SNX3: variants seen among roughly 807,000 people sequenced by gnomAD.
SNX3 encodes sorting nexin-3.
Under a neutral mutation model 17.7 loss-of-function variants are expected in SNX3, and 5 were observed. That is an observed-to-expected ratio of 0.28 (90% confidence interval 0.15 to 0.59). The LOEUF is 0.59. SNX3 is among the 20% of genes least tolerant of loss of function. The probability of loss-of-function intolerance (pLI) is 0.88; values close to 1 mark genes in which losing one functional copy is unlikely to be tolerated. For synonymous variants in SNX3, 91 were observed against 76.5 expected, an observed-to-expected ratio of 1.19 and a Z score of -0.99; for missense variants, 132 against 206.8, an observed-to-expected ratio of 0.64 and a Z score of 2.22.
chr6:108,245,412 A>G (rs925199446), intron 1 of SNX3, among the ~76,000 whole-genome samples: 2 of 152,216 alleles, frequency 1.3e-5, no homozygotes, highest in Non-Finnish European at 2.9e-5. Context: ...GTGCTGCAAT[A>G]AACATACGTG....
intron 1 of SNX3, among the ~76,000 whole-genome samples, chr6:108,259,110 T>C (rs575361883): frequency 6.6e-5 from 10 of 152,376 alleles, no homozygotes; most frequent in Non-Finnish European, 1.2e-4. Context: ...CCATCTGTCA[T>C]GTATTACAGA....
intron 2 of SNX3, among the ~76,000 whole-genome samples, chr6:108,220,952 G>C (rs763973994): frequency 1.3e-5 from 2 of 151,794 alleles, no homozygotes; most frequent in African/African-American, 2.4e-5. Flanking sequence ...CTGCACTCCA[G>C]AGTGAGGCTC....
chr6:108,239,569 G>A (rs1457889979), intron 1 of SNX3, among the ~76,000 whole-genome samples: 1 of 152,186 alleles, frequency 6.6e-6, no homozygotes, highest in Non-Finnish European at 1.5e-5. Context: ...AATACTTAAT[G>A]TAGGGCAAAT....
At chr6:108,226,079 A>G (rs1774966528) in intron 1 of SNX3, among the ~76,000 whole-genome samples, 1 of 151,428 alleles carries the variant, frequency 6.6e-6, no homozygotes, top group Non-Finnish European at 1.5e-5. Flanking sequence ...AGGAGAAGAA[A>G]GATTTTATTT....
chr6:108,237,205 G>T (rs1562431385), intron 1 of SNX3, among the ~76,000 whole-genome samples: 1 of 152,152 alleles, frequency 6.6e-6, no homozygotes, highest in Non-Finnish European at 1.5e-5. Flanking sequence ...GGTAGAGCTG[G>T]AGAGCAGAAT....
At chr6:108,254,968 G>C (rs1354001583) in intron 1 of SNX3, among the ~76,000 whole-genome samples, 1 of 152,210 alleles carries the variant, frequency 6.6e-6, no homozygotes, top group Non-Finnish European at 1.5e-5. Context: ...ATGAGGATCA[G>C]TTGATCAGCT....
At chr6:108,260,551 C>G (rs1264411732) in intron 1 of SNX3, among the ~76,000 whole-genome samples, 2 of 152,210 alleles carry the variant, frequency 1.3e-5, no homozygotes, top group African/African-American at 4.8e-5. Context: ...AGCACCTTCT[C>G]CAAGTGCCAG....
intron 2 of SNX3, 22 bp downstream of exon 2, chr6:108,222,928 T>A (rs762218059): frequency 2.1e-6 from 3 of 1,409,054 alleles, no homozygotes; most frequent in Non-Finnish European, 3.0e-6. Context: ...TGCTTTAAAG[T>A]TGCATCATAA....
At chr6:108,238,205 T>A (rs1775410173) in intron 1 of SNX3, among the ~76,000 whole-genome samples, 2 of 151,858 alleles carry the variant, frequency 1.3e-5, no homozygotes, top group East Asian at 3.9e-4. Flanking sequence ...ACATTGTCCC[T>A]GCATTAGCTG....
intron 1 of SNX3, among the ~76,000 whole-genome samples, chr6:108,255,137 T>C (rs890273874): frequency 2.0e-5 from 3 of 152,208 alleles, no homozygotes; most frequent in Admixed American, 1.3e-4. Flanking sequence ...AAATAGCCAC[T>C]GTCTTCCTCC....
At chr6:108,246,273 G>A (rs903074385) in intron 1 of SNX3, among the ~76,000 whole-genome samples, 1 of 148,992 alleles carries the variant, frequency 6.7e-6, no homozygotes, top group Non-Finnish European at 1.5e-5. Flanking sequence ...TTATTTCTGA[G>A]GCCTCTAAGT....
intron 1 of SNX3, among the ~76,000 whole-genome samples, chr6:108,230,991 T>C (rs1246829839): frequency 2.0e-5 from 3 of 152,012 alleles, no homozygotes; most frequent in African/African-American, 7.3e-5. Flanking sequence ...ACCAACATTA[T>C]CAAAGAAGAC....
intron 1 of SNX3, among the ~76,000 whole-genome samples, chr6:108,251,808 T>C (rs1313527902): frequency 2.0e-5 from 3 of 152,164 alleles, no homozygotes; most frequent in South Asian, 2.1e-4. Context: ...CGGTGGCTCA[T>C]GCCTGTATTT....
chr6:108,261,010 C>T lies in SNX3; in HGVS notation c.-89G>A. 12 of 1,263,720 alleles carry T rather than the reference C, an allele frequency of 9.5e-6. No homozygotes were observed. Among genetic ancestry groups the T allele is most frequent in the Non-Finnish European group, 1.1e-5 (11 of 969,410 alleles). The allele number at this position is 1,263,720 out of a possible 1,614,324, so 78.3% of individuals were successfully genotyped here. A position where few individuals can be genotyped will look rare whatever the true frequency, so the allele number is the denominator to read the frequency against. Reference sequence around the variant, plus strand: ...CCGCCGCTGCTGCCCGCCGTGGGGACACGGGGCTCGCGCGCAGCGGTCGCG... The same window carrying T: ...CCGCCGCTGCTGCCCGCCGTGGGGATACGGGGCTCGCGCGCAGCGGTCGCG... On this transcript the variant is annotated 5_prime_UTR_variant, in exon 1 of 4. Transcript: ENST00000230085.
intron 1 of SNX3, among the ~76,000 whole-genome samples, chr6:108,236,976 T>C (rs567125277): frequency 2.0e-5 from 3 of 152,342 alleles, no homozygotes; most frequent in South Asian, 4.1e-4. Context: ...AGAATGTTTA[T>C]TGTTCTAACA....
intron 1 of SNX3, among the ~76,000 whole-genome samples, chr6:108,253,842 C>T (rs1385842212): frequency 6.6e-6 from 1 of 152,168 alleles, no homozygotes; most frequent in Non-Finnish European, 1.5e-5. Context: ...ACCACCACTG[C>T]CGGCCGGGCT....
At chr6:108,244,991 G>A (rs1775639929) in intron 1 of SNX3, among the ~76,000 whole-genome samples, 1 of 152,004 alleles carries the variant, frequency 6.6e-6, no homozygotes, top group African/African-American at 2.4e-5. Context: ...GCAAAAAAAC[G>A]TGCAGGTTTG....
chr6:108,225,199 G>A (rs1032066341), intron 1 of SNX3, among the ~76,000 whole-genome samples: 2 of 151,050 alleles, frequency 1.3e-5, no homozygotes, highest in African/African-American at 4.9e-5. Context: ...GGAGAATGGC[G>A]TGAACTCAGG....
chr6:108,236,212 G>A (rs1431168941), intron 1 of SNX3, among the ~76,000 whole-genome samples: 12 of 151,774 alleles, frequency 7.9e-5, no homozygotes, highest in Non-Finnish European at 1.5e-4. Flanking sequence ...GGCCGGGCAC[G>A]ATGGTTCGTG....
Sources: allele counts gnomAD v4.1 joint callset (sites outside exome capture counted in the v4.1 genomes callset), GRCh38; gene constraint gnomAD v4.1.1; transcripts MANE v1.5; gene names NCBI Gene and HGNC (gene_info 2026-07-23, HGNC 2026-07-21).